Variants in FAM53A observed in about 807,000 individuals in gnomAD.
The protein encoded by FAM53A is family with sequence similarity 53 member A.
In FAM53A, 28 loss-of-function variants were observed where a neutral mutation model predicts 26.6. The observed-to-expected ratio is 1.05, with a 90% CI of 0.78 to 1.45. The LOEUF (loss-of-function observed/expected upper bound fraction) is 1.45, where lower values mean the gene tolerates loss of function less well. FAM53A is among the 40% of genes most tolerant of loss of function. The pLI is 0.00. For synonymous variants in FAM53A, 290 were observed against 253.1 expected (o/e 1.15, Z -1.38); for missense variants, 650 against 575.8 (o/e 1.13, Z -1.32).
intron 1 of FAM53A, among the ~76,000 whole-genome samples, chr4:1,671,727 G>T (rs1464648085): frequency 6.6e-6 from 1 of 152,262 alleles, no homozygotes; most frequent in African/African-American, 2.4e-5. Flanking sequence ...GCAAGGTGAG[G>T]GGCCAGCTCC....
chr4:1,623,216 A>G (rs78184107), intron 1 of FAM53A, among the ~76,000 whole-genome samples: 4,860 of 152,206 alleles, frequency 0.032, 213 homozygotes, highest in African/African-American at 0.082. Flanking sequence ...GCGGTAGAGG[A>G]GACTGTGTCC....
At chr4:1,607,262 G>A in the FAM53A span, among the ~76,000 whole-genome samples, 6 of 151,124 alleles carry the variant, frequency 4.0e-5, no homozygotes, top group East Asian at 1.9e-4. Context: ...CAAGTGATCC[G>A]CCTGCCTCGG....
chr4:1,644,482 GC>G, intron 4 of FAM53A: 2 of 1,088,490 alleles, frequency 1.8e-6, no homozygotes, highest in Non-Finnish European at 2.6e-6. Context: ...AACTGAAGGG[GC>G]CACCCACGCT....
chr4:1,674,157 G>A (rs950460439), intron 1 of FAM53A, among the ~76,000 whole-genome samples: 3 of 152,192 alleles, frequency 2.0e-5, no homozygotes, highest in Non-Finnish European at 4.4e-5. Context: ...AGGCTGAGGG[G>A]GAACCTGTTC....
Position 1,630,637 on chromosome 4 carries a change from T to G in FAM53A, c.432-12526A>C, listed in dbSNP as rs1715573306. Among the ~76,000 whole-genome samples the G allele has an allele frequency of 6.6e-6, 1 of 152,222 alleles. No individual in the cohort carries two copies. The highest frequency in any genetic ancestry group is 6.5e-5 in the Admixed American group (1 of 15,298). ...CCACTCCCAAGACAGGCCAGGAGCC[T>G]GCTCTAAACACCATCGTGGAAGCCA... is the stretch of plus-strand genomic sequence containing the variant. On this transcript the variant is annotated intron_variant, in intron 1 of 1. Coordinates refer to the FAM53A transcript ENST00000489029. The surrounding 1 kb of genome is among the most constrained non-coding windows in gnomAD (Gnocchi z 4.3).
Position 1,655,378 on chromosome 4 carries a change from C to A in FAM53A, c.482G>T (p.Arg161Leu). 6.9e-7 allele frequency: 1 copy of A among 1,447,650 alleles called. No individual in the cohort carries two copies. Among genetic ancestry groups the A allele is most frequent in the Non-Finnish European group, 9.1e-7 (1 of 1,100,774 alleles). 89.7% of individuals were successfully genotyped at this position (1,447,650 alleles called of 1,614,324 possible). Residue 161 changes from arginine (R) to leucine (L), a missense_variant, in exon 4 of 5, where the codon CGG becomes CTG. Transcript: ENST00000308132. ...RRCDSGGSAT[R>L]QGSPGAVLPR... ...CAGGACGGCGCCGGGGCTTCCCTGCCGCGTGGCACTCCCGCCGCTGTCGCA... is the reference window on the plus strand; with the variant it reads ...CAGGACGGCGCCGGGGCTTCCCTGCAGCGTGGCACTCCCGCCGCTGTCGCA...
Position 1,643,420 on chromosome 4 carries a change from TGG to T in FAM53A, c.883-1815_883-1814del, listed in dbSNP as rs1711936738. 5.3e-5 allele frequency among the ~76,000 whole-genome samples: 8 copies of T among 151,886 alleles called. No homozygotes were observed. The South Asian group carries it at 1.7e-3, about 32-fold the overall frequency. On this transcript the variant is annotated intron_variant, in intron 4 of 4. Transcript: ENST00000308132. ...GGCGGAGCTTGCAGTGAGCCGAGAT[TGG>T]GCCACTGCACTCCAGCCTGGGAGAC...
intron 1 of FAM53A, among the ~76,000 whole-genome samples, chr4:1,624,556 G>A (rs932508336): frequency 3.3e-5 from 5 of 152,190 alleles, no homozygotes; most frequent in Non-Finnish European, 7.3e-5. Context: ...AAACCTGTAG[G>A]AAGATTCCCA....
the FAM53A span, among the ~76,000 whole-genome samples, chr4:1,586,324 T>C: frequency 6.6e-6 from 1 of 151,866 alleles, no homozygotes; most frequent in Non-Finnish European, 1.5e-5. Context: ...CTCCCGAGTA[T>C]CTAGGAGTAC....
chr4:1,663,551 C>T (rs189887539), intron 2 of FAM53A, among the ~76,000 whole-genome samples: 21 of 152,276 alleles, frequency 1.4e-4, no homozygotes, highest in Non-Finnish European at 7.3e-5. Flanking sequence ...GCACTGCCTG[C>T]GAGAACATTC....
the FAM53A span, among the ~76,000 whole-genome samples, chr4:1,606,040 C>CTTTT: frequency 7.4e-6 from 1 of 135,830 alleles, no homozygotes; most frequent in Non-Finnish European, 1.6e-5. Context: ...TCCTATGACT[C>CTTTT]TTTTTTTTTT....
chr4:1,644,869 G>A (rs558522997), intron 4 of FAM53A: 107 of 154,280 alleles, frequency 6.9e-4, no homozygotes, highest in Admixed American at 1.7e-3. Context: ...AGCCTCCTAC[G>A]AGCTGACCTG....
At chr4:1,576,704 G>A in the FAM53A span, among the ~76,000 whole-genome samples, 1 of 152,256 alleles carries the variant, frequency 6.6e-6, no homozygotes, top group Non-Finnish European at 1.5e-5. Context: ...CCGCAGGGGC[G>A]ACTGGGACTG....
intron 1 of FAM53A, among the ~76,000 whole-genome samples, chr4:1,634,598 T>C (rs991717609): frequency 1.3e-5 from 2 of 152,134 alleles, no homozygotes; most frequent in East Asian, 3.8e-4. Context: ...GTGGAGGTTG[T>C]CTATAAAATC....
chr4:1,666,383 C>G (rs1366075007), intron 2 of FAM53A, among the ~76,000 whole-genome samples: 1 of 131,770 alleles, frequency 7.6e-6, no homozygotes, highest in African/African-American at 2.8e-5. Context: ...ACCTGCACCC[C>G]CTGTATCTAA....
chr4:1,584,612 G>C, the FAM53A span, among the ~76,000 whole-genome samples: 1 of 152,238 alleles, frequency 6.6e-6, no homozygotes, highest in African/African-American at 2.4e-5. Flanking sequence ...AGCCACCTGG[G>C]CTGGATGTCC....
downstream of FAM53A, among the ~76,000 whole-genome samples, chr4:1,636,883 C>G (rs982893509): frequency 2.9e-5 from 4 of 137,946 alleles, no homozygotes; most frequent in African/African-American, 1.1e-4. Flanking sequence ...CCTGCTCTTG[C>G]TGGGGGGGGG....
intron 1 of FAM53A, among the ~76,000 whole-genome samples, chr4:1,674,436 G>A (rs528799825): frequency 1.4e-4 from 22 of 152,308 alleles, no homozygotes; most frequent in East Asian, 7.7e-4. Context: ...TTAGGAGGCC[G>A]AGGCAGGCAA....
chr4:1,635,371 TCAAA>T (rs1715793519), downstream of FAM53A, among the ~76,000 whole-genome samples: 1 of 152,162 alleles, frequency 6.6e-6, no homozygotes, highest in Non-Finnish European at 1.5e-5. Flanking sequence ...CCTCCGGGAC[TCAAA>T]CAATCTTCCC....
Sources: allele counts gnomAD v4.1 joint callset (sites outside exome capture counted in the v4.1 genomes callset), GRCh38; gene constraint gnomAD v4.1.1; non-coding constraint Gnocchi (gnomAD v3.1); transcripts MANE v1.5; gene names NCBI Gene and HGNC (gene_info 2026-07-23, HGNC 2026-07-21).